Variants in TTC28 observed in about 807,000 individuals in gnomAD.
The protein encoded by TTC28 is tetratricopeptide repeat domain 28.
Under a neutral mutation model 198.0 loss-of-function variants are expected in TTC28, and 61 were observed. The ratio of observed to expected loss-of-function variants is 0.31; its 90% confidence interval spans 0.25 to 0.38. The LOEUF (loss-of-function observed/expected upper bound fraction) is 0.38. Ranked by LOEUF, TTC28 falls within the 10% of genes least tolerant of loss-of-function variation. TTC28 has a pLI of 1.00. For synonymous variants in TTC28, 1,171 were observed against 1,297.8 expected, an observed-to-expected ratio of 0.90 and a Z score of 2.10; for missense variants, 2,678 against 3,164.0, an observed-to-expected ratio of 0.85 and a Z score of 3.69.
chr22:28,635,619 T>C (rs1401387489), intron 1 of TTC28, among the ~76,000 whole-genome samples: 1 of 152,152 alleles, frequency 6.6e-6, no homozygotes, highest in Non-Finnish European at 1.5e-5. Flanking sequence ...ATATAATTAC[T>C]ACATACATAG....
At chr22:28,238,147 G>T (rs1281157158) in intron 5 of TTC28, among the ~76,000 whole-genome samples, 2 of 152,080 alleles carry the variant, frequency 1.3e-5, no homozygotes, top group East Asian at 3.8e-4. Context: ...TTCATATTAG[G>T]AAATTCCTTC....
intron 2 of TTC28, among the ~76,000 whole-genome samples, chr22:28,473,539 T>C (rs1434552255): frequency 6.6e-6 from 1 of 152,208 alleles, no homozygotes; most frequent in Non-Finnish European, 1.5e-5. Context: ...AATTTCTGAA[T>C]AACCCACCCC....
At chr22:28,618,125 A>C (rs1311112824) in intron 2 of TTC28, among the ~76,000 whole-genome samples, 1 of 151,876 alleles carries the variant, frequency 6.6e-6, no homozygotes, top group East Asian at 1.9e-4. Flanking sequence ...ATACAAAAAA[A>C]TTAGCCAGGC....
At chr22:28,590,931 G>A (rs1018280808) in intron 2 of TTC28, among the ~76,000 whole-genome samples, 6 of 148,738 alleles carry the variant, frequency 4.0e-5, no homozygotes, top group African/African-American at 7.4e-5. Context: ...ATCGCAACCC[G>A]GGAGACAGAG....
rs376033885 is a variant in TTC28, at chr22:28,163,349, C to T, written c.1184G>A (p.Arg395Gln). The change falls in exon 6 of 23, where the codon CGG (arginine) becomes CAG (glutamine). Residue 395 changes from arginine (R) to glutamine (Q), a missense_variant. Coordinates refer to ENST00000397906, the MANE Select transcript of TTC28 (RefSeq NM_001145418.2). ...GGCACTGCCCAGGTTGCTATAAGCC[C>T]GGGCCTCTTCTCGCTTGTTCCCCAG... ...KDLGNKREEA[R>Q]AYSNLGSAYH... is the part of the protein sequence containing the mutation. 1.0e-5 allele frequency: 16 copies of T among 1,551,934 alleles called. No individual in the cohort carries two copies. Among genetic ancestry groups the T allele is most frequent in the East Asian group, 2.4e-5 (1 of 40,936 alleles).
chr22:28,512,865 G>A (rs1488697619), intron 2 of TTC28, among the ~76,000 whole-genome samples: 3 of 151,790 alleles, frequency 2.0e-5, no homozygotes, highest in Admixed American at 1.3e-4. Flanking sequence ...GAACCACGGC[G>A]CATTTTTACC....
At position 28,611,508 on chromosome 22, in the gene TTC28, T is replaced by TTAA. The variant is rs1555901359; in HGVS notation, c.381+18043_381+18044insTTA. On this transcript the variant is annotated intron_variant, in intron 2 of 22. Transcript: ENST00000397906. Reference sequence around the variant, plus strand: ...AGAAATAAAAGCCTTTTTTTTAATTTTTTTTTTTTTTTATTATACTCTAAG... The same window carrying TTAA: ...AGAAATAAAAGCCTTTTTTTTAATTTTAATTTTTTTTTTTTATTATACTCTAAG... Among the ~76,000 whole-genome samples, 147 of 89,230 alleles carry TTAA rather than the reference T, an allele frequency of 1.6e-3. 1 individual carries two copies. In the South Asian group the frequency reaches 0.018, roughly 11 times the overall value. The allele number at this position is 89,230 out of a possible 152,430, so 58.5% of individuals were successfully genotyped here. A position where few individuals can be genotyped will look rare whatever the true frequency, so the allele number is the denominator to read the frequency against.
intron 5 of TTC28, among the ~76,000 whole-genome samples, chr22:28,219,513 A>T (rs899346097): frequency 6.6e-6 from 1 of 151,946 alleles, no homozygotes. Context: ...GTTAAAAAAA[A>T]AAAGAAAAAA....
At chr22:28,090,199 T>A (rs1291844319) in intron 12 of TTC28, among the ~76,000 whole-genome samples, 1 of 151,928 alleles carries the variant, frequency 6.6e-6, no homozygotes, top group African/African-American at 2.4e-5. Context: ...ATAACAAGCA[T>A]CTATAATTTC....
At chr22:28,140,584 T>G (rs114308902) in intron 6 of TTC28, among the ~76,000 whole-genome samples, 1 of 152,210 alleles carries the variant, frequency 6.6e-6, no homozygotes, top group East Asian at 1.9e-4. Flanking sequence ...CCTGTTAAAA[T>G]GGACTTCTAG....
At chr22:28,350,259 G>A (rs1486913302) in intron 2 of TTC28, among the ~76,000 whole-genome samples, 3 of 152,102 alleles carry the variant, frequency 2.0e-5, no homozygotes, top group Admixed American at 6.5e-5. Flanking sequence ...TTATTTTCCT[G>A]TGCATCTAAC....
intron 1 of TTC28, among the ~76,000 whole-genome samples, chr22:28,677,484 TA>T (rs1312210250): frequency 6.6e-6 from 1 of 151,870 alleles, no homozygotes. Flanking sequence ...CAGTCTCTAC[TA>T]AAATAATACA....
chr22:28,519,615 G>C (rs1448811949), intron 2 of TTC28, among the ~76,000 whole-genome samples: 2 of 152,176 alleles, frequency 1.3e-5, no homozygotes, highest in African/African-American at 2.4e-5. Context: ...GCATGAAGAG[G>C]TAACTGTGCA....
At chr22:28,494,153 C>G (rs148238538) in intron 2 of TTC28, among the ~76,000 whole-genome samples, 1 of 152,208 alleles carries the variant, frequency 6.6e-6, no homozygotes, top group East Asian at 1.9e-4. Context: ...TTTAGAGATA[C>G]ATATTGAAAT....
chr22:28,281,063 T>A (rs1269702980), intron 5 of TTC28, among the ~76,000 whole-genome samples: 1 of 152,172 alleles, frequency 6.6e-6, no homozygotes, highest in African/African-American at 2.4e-5. Flanking sequence ...ATAAAACATT[T>A]AGGTGTTGTT....
At chr22:28,522,103 A>G (rs577999372) in intron 2 of TTC28, among the ~76,000 whole-genome samples, 2 of 152,366 alleles carry the variant, frequency 1.3e-5, no homozygotes, top group South Asian at 4.1e-4. Flanking sequence ...ACAGACAACT[A>G]TGAGCAAAAA....
intron 3 of TTC28, chr22:28,303,676 T>G (rs1007594471): frequency 2.6e-5 from 4 of 152,246 alleles, no homozygotes. Flanking sequence ...AGGAACACTG[T>G]GCAGGTTATG....
At chr22:28,224,065 G>T (rs1928097539) in intron 5 of TTC28, among the ~76,000 whole-genome samples, 1 of 152,174 alleles carries the variant, frequency 6.6e-6, no homozygotes, top group Non-Finnish European at 1.5e-5. Context: ...CACGACTTGT[G>T]GTAGGAGAGT....
chr22:28,471,157 A>C (rs915344793), intron 2 of TTC28, among the ~76,000 whole-genome samples: 1 of 152,194 alleles, frequency 6.6e-6, no homozygotes, highest in African/African-American at 2.4e-5. Context: ...AATTATTAAA[A>C]GTCTACCAGT....
Sources: gnomAD v4.1 joint callset for allele counts (sites outside exome capture counted in the v4.1 genomes callset) on GRCh38, gnomAD v4.1.1 for gene constraint, MANE v1.5 for transcripts, NCBI Gene and HGNC (gene_info 2026-07-23, HGNC 2026-07-21) for gene names.